Variants in SCARA3 observed in about 807,000 individuals in gnomAD.
SCARA3 encodes the protein cellular stress response gene protein.
In SCARA3, 39 loss-of-function variants were observed where a neutral mutation model predicts 47.0. That is an observed-to-expected ratio of 0.83 (90% confidence interval 0.64 to 1.08). The LOEUF (loss-of-function observed/expected upper bound fraction) is 1.08, where lower values mean the gene tolerates loss of function less well. Among genes scored for constraint, SCARA3 ranks in the 50% least tolerant of loss-of-function variants. SCARA3 has a pLI of 0.00. For missense variants in SCARA3, 724 were observed against 792.3 expected (o/e 0.91, Z 1.04); for synonymous variants, 356 against 334.1 (o/e 1.07, Z -0.71).
the SCARA3 span, among the ~76,000 whole-genome samples, chr8:27,708,997 C>T: frequency 0.48 from 72,460 of 151,954 alleles, 17,841 homozygotes; most frequent in Middle Eastern, 0.58. Flanking sequence ...AACACATCTA[C>T]GTCTATGACT....
intron 5 of SCARA3, 95 bp from the exon 6 acceptor site, chr8:27,670,805 C>T (rs1802127620): frequency 2.0e-6 from 2 of 1,011,816 alleles, no homozygotes; most frequent in South Asian, 1.6e-5. Context: ...CTTGTTCAAC[C>T]CTCGGGCTGT....
At chr8:27,644,033 C>A (rs1475228230) in intron 1 of SCARA3, among the ~76,000 whole-genome samples, 1 of 152,062 alleles carries the variant, frequency 6.6e-6, no homozygotes, top group Non-Finnish European at 1.5e-5. Context: ...AAGGCATGCA[C>A]CCTCCATCAA....
At chr8:27,697,571 G>C in the SCARA3 span, 1 of 152,184 alleles carries the variant, frequency 6.6e-6, no homozygotes, top group African/African-American at 2.4e-5. Flanking sequence ...CTTGGGCAGT[G>C]CTTCCAGAAA....
intron 5 of SCARA3, among the ~76,000 whole-genome samples, chr8:27,668,515 C>T (rs1802069762): frequency 7.1e-6 from 1 of 141,258 alleles, no homozygotes. Flanking sequence ...AGTCCGCAGT[C>T]CGGCCTGGGC....
chr8:27,638,642 C>T (rs377159486), intron 1 of SCARA3, among the ~76,000 whole-genome samples: 4 of 152,144 alleles, frequency 2.6e-5, no homozygotes, highest in Non-Finnish European at 4.4e-5. Context: ...CAACAAACAG[C>T]GATGGGGCGA....
the SCARA3 span, among the ~76,000 whole-genome samples, chr8:27,709,323 T>C: frequency 6.6e-6 from 1 of 152,164 alleles, no homozygotes; most frequent in African/African-American, 2.4e-5. Flanking sequence ...TGGGGTAACT[T>C]GGGCCCAGGG....
the SCARA3 span, among the ~76,000 whole-genome samples, chr8:27,730,539 A>AGT: frequency 2.0e-5 from 3 of 148,212 alleles, no homozygotes; most frequent in Non-Finnish European, 4.4e-5. Context: ...GCTGGAGTGC[A>AGT]GTGGTGAGAT....
intron 1 of SCARA3, among the ~76,000 whole-genome samples, chr8:27,639,820 G>A (rs1183583415): frequency 1.3e-5 from 2 of 152,200 alleles, no homozygotes; most frequent in Non-Finnish European, 2.9e-5. Flanking sequence ...ATTGAGAGGA[G>A]AAAGTTCCAA....
rs564974217 is a variant in SCARA3 at position 27,659,613 on chromosome 8, A to G, written c.1369+74A>G. On this transcript the variant is annotated intron_variant, in intron 5 of 5. Transcript: ENST00000301904. ...TGGTGATCTTGCTGGACACAGAAGTACCTGGTTTTAGGCAAAGTACTAGTG... is the reference window on the plus strand; with the variant it reads ...TGGTGATCTTGCTGGACACAGAAGTGCCTGGTTTTAGGCAAAGTACTAGTG... The G allele has an allele frequency of 1.4e-5, 19 of 1,361,706 alleles. No homozygotes were observed. In the African/African-American group the frequency reaches 2.5e-4, roughly 18 times the overall value. The allele number at this position is 1,361,706 out of a possible 1,614,324, so 84.4% of individuals were successfully genotyped here. A position where few individuals can be genotyped will look rare whatever the true frequency, so the allele number is the denominator to read the frequency against.
Position 27,672,214 on chromosome 8 carries a change from C to T in SCARA3, c.*863C>T, listed in dbSNP as rs1802183064. ...ACACAGTGCCCCCTGAGAAGTTCAACATTTATTTCTTCACGTGTCCAGAAA... is the reference window on the plus strand; with the variant it reads ...ACACAGTGCCCCCTGAGAAGTTCAATATTTATTTCTTCACGTGTCCAGAAA... On this transcript the variant is annotated 3_prime_UTR_variant, in exon 6 of 6. Coordinates refer to ENST00000301904, the MANE Select transcript of SCARA3 (RefSeq NM_016240.3). 1 of 985,364 alleles carries T rather than the reference C, an allele frequency of 1.0e-6. No homozygotes were observed. The highest frequency in any genetic ancestry group is 6.2e-5 in the Admixed American group (1 of 16,260). 61.0% of individuals were successfully genotyped at this position (985,364 alleles called of 1,614,324 possible).
At chr8:27,702,711 G>C in the SCARA3 span, 5 of 152,598 alleles carry the variant, frequency 3.3e-5, no homozygotes, top group Non-Finnish European at 7.3e-5. Flanking sequence ...TGCTTGACCT[G>C]ATTAGGCTCA....
the SCARA3 span, among the ~76,000 whole-genome samples, chr8:27,725,502 T>C: frequency 6.8e-6 from 1 of 147,226 alleles, no homozygotes; most frequent in African/African-American, 2.5e-5. Context: ...TAAAGTTCTA[T>C]ACCATGGTCC....
At chr8:27,646,845 G>A (rs532632742) in intron 1 of SCARA3, among the ~76,000 whole-genome samples, 2 of 152,180 alleles carry the variant, frequency 1.3e-5, no homozygotes, top group African/African-American at 2.4e-5. Flanking sequence ...GCAGATTGAC[G>A]ATGGGACAGC....
chr8:27,725,554 T>C, the SCARA3 span, among the ~76,000 whole-genome samples: 1 of 150,500 alleles, frequency 6.6e-6, no homozygotes, highest in African/African-American at 2.4e-5. Flanking sequence ...CAGAATAATC[T>C]AATCAATACA....
chr8:27,679,201 A>ATATT (rs146984128), downstream of SCARA3, among the ~76,000 whole-genome samples: 1 of 150,862 alleles, frequency 6.6e-6, no homozygotes, highest in Non-Finnish European at 1.5e-5. Context: ...ATACCACAAT[A>ATATT]TACTTACTTA....
chr8:27,726,516 G>A, the SCARA3 span, among the ~76,000 whole-genome samples: 1 of 152,074 alleles, frequency 6.6e-6, no homozygotes. Flanking sequence ...GACCAATGCG[G>A]TGAAACCCCG....
At chr8:27,642,749 G>A (rs762208591) in intron 1 of SCARA3, among the ~76,000 whole-genome samples, 17 of 152,224 alleles carry the variant, frequency 1.1e-4, no homozygotes, top group Admixed American at 3.9e-4. Flanking sequence ...GTTTGAACCC[G>A]GGAGGTCTAG....
the SCARA3 span, among the ~76,000 whole-genome samples, chr8:27,697,977 C>T: frequency 1.6e-4 from 24 of 152,142 alleles, no homozygotes; most frequent in African/African-American, 5.1e-4. Context: ...TTCAATCCCA[C>T]GTCACCTCTG....
intron 1 of SCARA3, 99 bp downstream of exon 1, chr8:27,634,306 G>A: frequency 2.7e-6 from 3 of 1,103,592 alleles, no homozygotes; most frequent in Non-Finnish European, 3.5e-6. Flanking sequence ...GAGGCTGAGA[G>A]GAGGGCAGGG....
Sources: gnomAD v4.1 joint callset for allele counts (sites outside exome capture counted in the v4.1 genomes callset) on GRCh38, gnomAD v4.1.1 for gene constraint, MANE v1.5 for transcripts, NCBI Gene and HGNC (gene_info 2026-07-23, HGNC 2026-07-21) for gene names.